Variants in EPN2 observed in about 807,000 individuals in gnomAD.
The protein encoded by EPN2 is epsin-2.
A neutral mutation model predicts 61.7 loss-of-function variants in EPN2; 34 were observed. That is an observed-to-expected ratio of 0.55 (90% CI 0.42 to 0.73). The LOEUF (loss-of-function observed/expected upper bound fraction) is 0.73. Among genes scored for constraint, EPN2 ranks in the 30% least tolerant of loss-of-function variants. EPN2 has a pLI of 0.00. For synonymous variants in EPN2, 349 were observed against 353.6 expected, an observed-to-expected ratio of 0.99 and a Z score of 0.15; for missense variants, 714 against 839.2, an observed-to-expected ratio of 0.85 and a Z score of 1.84.
At chr17:19,329,053 AGAGT>A (rs1166374241) in intron 8 of EPN2, 166 bp downstream of exon 8, 5 of 603,024 alleles carry the variant, frequency 8.3e-6, no homozygotes, top group African/African-American at 3.7e-5. Context: ...CCCCAGTGTG[AGAGT>A]GAGTGAGTGC....
chr17:19,250,942 C>T (rs555064667), intron 1 of EPN2, among the ~76,000 whole-genome samples: 3 of 152,106 alleles, frequency 2.0e-5, no homozygotes, highest in African/African-American at 4.8e-5. Context: ...GTGCCCTTCT[C>T]TCTCTGACCC....
chr17:19,279,632 G>A (rs1405253385), intron 1 of EPN2, among the ~76,000 whole-genome samples: 1 of 151,634 alleles, frequency 6.6e-6, no homozygotes, highest in African/African-American at 2.4e-5. Context: ...TAGAGACGGG[G>A]TTTCACCATT....
intron 4 of EPN2, among the ~76,000 whole-genome samples, chr17:19,289,964 G>T (rs1387839134): frequency 1.3e-5 from 2 of 151,886 alleles, no homozygotes; most frequent in African/African-American, 4.8e-5. Flanking sequence ...CAAGTGATCT[G>T]CCCAGCTCGG....
chr17:19,291,574 A>T (rs1054741025), intron 4 of EPN2, among the ~76,000 whole-genome samples: 2 of 151,186 alleles, frequency 1.3e-5, no homozygotes, highest in African/African-American at 4.9e-5. Context: ...AGTAGCTGGG[A>T]CTACAGGCGC....
Position 19,283,267 on chromosome 17 carries a change from G to A in EPN2, c.148G>A (p.Val50Met), listed in dbSNP as rs910077352. 3.1e-6 allele frequency: 5 copies of A among 1,614,030 alleles called. No individual in the cohort carries two copies. The highest frequency in any genetic ancestry group is 2.2e-5 in the East Asian group (1 of 44,896). Reference sequence around the variant, plus strand: ...CGAGATTGCCGACCTGACCTACAACGTGGTGGCCTTCTCGGAGATCATGAG... The same window carrying A: ...CGAGATTGCCGACCTGACCTACAACATGGTGGCCTTCTCGGAGATCATGAG... Reference protein sequence around the residue: ...MTEIADLTYNVVAFSEIMSMV... With the variant: ...MTEIADLTYNMVAFSEIMSMV... Residue 50 changes from valine (V) to methionine (M), a missense_variant, in exon 3 of 11, where the codon GTG becomes ATG. Val to Met is a conservative substitution (Grantham distance 21). Transcript: ENST00000314728. This position sits in a 1 kb window ranked among gnomAD's most constrained non-coding sequence, Gnocchi z 7.0.
chr17:19,275,204 C>T lies in EPN2; in HGVS notation c.-293-6751C>T, dbSNP rs558722629. ...ATGTCTCTGCACTCCTACTTGAGGC[C>T]CTGTTGGAGGTTCAGGGGAGCGCCC... On this transcript the variant is annotated intron_variant, in intron 1 of 10. Transcript: ENST00000314728. 2.4e-3 allele frequency among the ~76,000 whole-genome samples: 369 copies of T among 152,176 alleles called. 1 individual carries two copies. The highest frequency in any genetic ancestry group is 1.5e-3 in the Non-Finnish European group (105 of 67,994).
At chr17:19,282,833 G>A (rs1206414957) in intron 2 of EPN2, 117 bp from the exon 3 acceptor site, 2 of 339,886 alleles carry the variant, frequency 5.9e-6, no homozygotes, top group African/African-American at 2.1e-5. Context: ...TCGTCCTAAG[G>A]AGGCTGGGTA....
chr17:19,326,686 C>CAAAA (rs36161060), intron 7 of EPN2, among the ~76,000 whole-genome samples: 3,477 of 76,836 alleles, frequency 0.045, 400 homozygotes, highest in East Asian at 0.13. Context: ...GACTCCGTCT[C>CAAAA]AAAAAAAAAA....
chr17:19,284,203 A>T (rs1005578472), intron 3 of EPN2, among the ~76,000 whole-genome samples: 25 of 152,202 alleles, frequency 1.6e-4, no homozygotes, highest in African/African-American at 5.8e-4. Context: ...CAGCAAAAAA[A>T]CTTGTACAGG....
intron 6 of EPN2, chr17:19,312,803 C>T (rs1230433421): frequency 2.8e-5 from 9 of 324,220 alleles, no homozygotes; most frequent in South Asian, 2.1e-4. Flanking sequence ...GGAGGGATGG[C>T]GTTCTGGAGG....
intron 1 of EPN2, among the ~76,000 whole-genome samples, chr17:19,242,849 A>G (rs935799261): frequency 6.6e-6 from 1 of 152,194 alleles, no homozygotes; most frequent in African/African-American, 2.4e-5. Flanking sequence ...ATAATTAATC[A>G]CTTCTGAGTG....
intron 7 of EPN2, among the ~76,000 whole-genome samples, chr17:19,327,287 C>T (rs1051513429): frequency 5.9e-5 from 9 of 152,106 alleles, no homozygotes; most frequent in African/African-American, 2.2e-4. Context: ...CCAGCTCCAC[C>T]TCAACACAGA....
At chr17:19,310,431 A>G (rs762543818) in intron 5 of EPN2, among the ~76,000 whole-genome samples, 1 of 152,144 alleles carries the variant, frequency 6.6e-6, no homozygotes, top group African/African-American at 2.4e-5. Context: ...GATTTGCAAA[A>G]AACAAAGGCT....
chr17:19,289,724 G>GTTTTGTT (rs772230550), intron 4 of EPN2, among the ~76,000 whole-genome samples: 5 of 78,028 alleles, frequency 6.4e-5, no homozygotes, highest in Non-Finnish European at 1.2e-4. Flanking sequence ...GGCGCTCATG[G>GTTTTGTT]TTTTTTTTTT....
rs1555600087 is a variant in EPN2 at position 19,290,720 on chromosome 17, A to AAAG, written c.766+4932_766+4933insGAA. Among the ~76,000 whole-genome samples, 640 of 105,576 alleles carry AAAG rather than the reference A, an allele frequency of 6.1e-3. 45 individuals are homozygous for AAAG. The highest frequency in any genetic ancestry group is 5.9e-3 in the Non-Finnish European group (303 of 51,560). 69.3% of individuals were successfully genotyped at this position (105,576 alleles called of 152,430 possible). On this transcript the variant is annotated intron_variant, in intron 4 of 10. Coordinates refer to ENST00000314728, the MANE Select transcript of EPN2 (RefSeq NM_014964.5). Reference sequence around the variant, plus strand: ...GTTCTCAAAAAAAAAAAAAAAGAAAAAAAAAGAAAAAGGAAGGCAGGCAGA... The same window carrying AAAG: ...GTTCTCAAAAAAAAAAAAAAAGAAAAAAGAAAAAGAAAAAGGAAGGCAGGCAGA...
intron 10 of EPN2, 29 bp downstream of exon 10, chr17:19,332,097 T>G (rs778413221): frequency 6.5e-7 from 1 of 1,536,572 alleles, no homozygotes; most frequent in Non-Finnish European, 8.9e-7. Context: ...CTTCATCCAT[T>G]GCCTGCTGTG....
intron 5 of EPN2, among the ~76,000 whole-genome samples, chr17:19,311,500 TTTAA>T (rs1906137412): frequency 6.6e-6 from 1 of 151,740 alleles, no homozygotes; most frequent in Non-Finnish European, 1.5e-5. Context: ...ATTATTTATA[TTTAA>T]TTATTATATT....
intron 4 of EPN2, chr17:19,297,475 A>G (rs1461118630): frequency 3.3e-5 from 5 of 150,258 alleles, no homozygotes; most frequent in African/African-American, 9.7e-5. Context: ...TTCTGCACTC[A>G]TGTGTGTGAG....
chr17:19,308,657 C>T (rs1370564498), intron 4 of EPN2: 1 of 985,262 alleles, frequency 1.0e-6, no homozygotes, highest in Admixed American at 6.1e-5. Flanking sequence ...GGGAGGAGGA[C>T]AGGGCAAGGA....
Sources: gnomAD v4.1 joint callset for allele counts (sites outside exome capture counted in the v4.1 genomes callset) on GRCh38, gnomAD v4.1.1 for gene constraint, Gnocchi (gnomAD v3.1) non-coding constraint, MANE v1.5 for transcripts, NCBI Gene and HGNC (gene_info 2026-07-23, HGNC 2026-07-21) for gene names.